EYA2: variants seen among roughly 807,000 people sequenced by gnomAD.
EYA2 encodes the protein protein phosphatase EYA2.
Under a neutral mutation model 69.2 loss-of-function variants are expected in EYA2, and 31 were observed. The observed-to-expected ratio is 0.45, with a 90% CI of 0.34 to 0.60. EYA2 has a LOEUF of 0.60. Among genes scored for constraint, EYA2 ranks in the 20% least tolerant of loss-of-function variants. The pLI, the probability that EYA2 is intolerant of heterozygous loss-of-function variation, is 0.02. For synonymous variants in EYA2, 257 were observed against 279.4 expected (o/e 0.92, Z 0.80); for missense variants, 622 against 701.2 (o/e 0.89, Z 1.28).
At chr20:47,051,037 C>T (rs1371113418) in intron 5 of EYA2, among the ~76,000 whole-genome samples, 1 of 152,226 alleles carries the variant, frequency 6.6e-6, no homozygotes, top group Non-Finnish European at 1.5e-5. Context: ...GTCTTTACTG[C>T]CAGGAAACTT....
At chr20:47,010,164 GCATTCTT>G (rs1982967998) in intron 4 of EYA2, among the ~76,000 whole-genome samples, 1 of 152,204 alleles carries the variant, frequency 6.6e-6, no homozygotes, top group African/African-American at 2.4e-5. Context: ...TGGGGTATAT[GCATTCTT>G]CACTATCCTG....
intron 9 of EYA2, among the ~76,000 whole-genome samples, chr20:47,115,671 C>A (rs2032870602): frequency 6.6e-6 from 1 of 152,168 alleles, no homozygotes; most frequent in Admixed American, 6.5e-5. Flanking sequence ...CAGCTGCCTC[C>A]CTGCTTCCCC....
intron 5 of EYA2, among the ~76,000 whole-genome samples, chr20:47,020,551 T>C (rs769375539): frequency 1.3e-4 from 20 of 152,122 alleles, no homozygotes; most frequent in Non-Finnish European, 2.6e-4. Flanking sequence ...CTTCTTCTGG[T>C]AAAACACTGC....
chr20:47,008,505 A>G (rs922198551), intron 4 of EYA2, among the ~76,000 whole-genome samples: 2 of 152,220 alleles, frequency 1.3e-5, no homozygotes, highest in Non-Finnish European at 2.9e-5. Flanking sequence ...TTAGAATACA[A>G]TCACACATAA....
intron 5 of EYA2, among the ~76,000 whole-genome samples, chr20:47,050,322 A>C (rs1187835173): frequency 6.6e-6 from 1 of 152,246 alleles, no homozygotes; most frequent in Admixed American, 6.5e-5. Flanking sequence ...CAAAATATTC[A>C]GCAGGACACA....
chr20:47,096,095 G>A (rs895128163), intron 8 of EYA2: 1 of 152,150 alleles, frequency 6.6e-6, no homozygotes, highest in Non-Finnish European at 1.5e-5. Context: ...CATCAGACAG[G>A]TATGATACAT....
At chr20:47,088,353 C>G (rs2031962152) in intron 7 of EYA2, among the ~76,000 whole-genome samples, 1 of 152,238 alleles carries the variant, frequency 6.6e-6, no homozygotes, top group South Asian at 2.1e-4. Flanking sequence ...GGGGAATCTT[C>G]TAAAGGTGGA....
chr20:47,155,182 A>G (rs1324311459), intron 10 of EYA2, among the ~76,000 whole-genome samples: 1 of 151,956 alleles, frequency 6.6e-6, no homozygotes, highest in Non-Finnish European at 1.5e-5. Flanking sequence ...TTGTAAGATG[A>G]AAAATCGAAT....
At chr20:46,957,525 G>A (rs993350603) in intron 1 of EYA2, among the ~76,000 whole-genome samples, 5 of 138,776 alleles carry the variant, frequency 3.6e-5, no homozygotes, top group African/African-American at 1.4e-4. Context: ...GGCAGAAGGA[G>A]ATTTCACACA....
intron 1 of EYA2, among the ~76,000 whole-genome samples, chr20:46,909,081 G>C (rs576482148): frequency 6.6e-6 from 1 of 151,918 alleles, no homozygotes; most frequent in African/African-American, 2.4e-5. Context: ...CATGGGGAAA[G>C]GCAAGATGGT....
At chr20:46,934,553 G>A (rs572315281) in intron 1 of EYA2, among the ~76,000 whole-genome samples, 39 of 152,290 alleles carry the variant, frequency 2.6e-4, no homozygotes, top group African/African-American at 9.4e-4. Flanking sequence ...CCATCCAAAG[G>A]ATGTGGAGGG....
At chr20:47,026,380 G>C (rs989185133) in intron 5 of EYA2, among the ~76,000 whole-genome samples, 1 of 151,748 alleles carries the variant, frequency 6.6e-6, no homozygotes, top group Non-Finnish European at 1.5e-5. Context: ...TTCTAACCAG[G>C]ACTCAGAAAT....
chr20:47,126,298 G>C (rs1043893658), intron 9 of EYA2, among the ~76,000 whole-genome samples: 4 of 152,250 alleles, frequency 2.6e-5, no homozygotes, highest in Admixed American at 6.5e-5. Context: ...CTGTGAACAA[G>C]GATGACTAGC....
chr20:46,896,064 A>G (rs1983796278), intron 1 of EYA2, among the ~76,000 whole-genome samples: 1 of 152,220 alleles, frequency 6.6e-6, no homozygotes, highest in Non-Finnish European at 1.5e-5. Context: ...ACGTGGAGGT[A>G]TAAATCACCC....
intron 12 of EYA2, among the ~76,000 whole-genome samples, chr20:47,177,702 G>T (rs1030598006): frequency 6.6e-6 from 1 of 152,222 alleles, no homozygotes; most frequent in South Asian, 2.1e-4. Context: ...TAGAGAAGAC[G>T]ATGTCTCCAT....
intron 1 of EYA2, among the ~76,000 whole-genome samples, chr20:46,958,402 A>G (rs1360012066): frequency 1.3e-5 from 2 of 152,178 alleles, no homozygotes; most frequent in African/African-American, 4.8e-5. Context: ...CCTGGTTGCA[A>G]TAAAGTTTGG....
At chr20:47,095,381 C>T (rs1442405310) in intron 8 of EYA2, among the ~76,000 whole-genome samples, 1 of 151,598 alleles carries the variant, frequency 6.6e-6, no homozygotes, top group African/African-American at 2.4e-5. Flanking sequence ...GGGAATTTCA[C>T]AAAAAGAAAA....
intron 12 of EYA2, among the ~76,000 whole-genome samples, chr20:47,173,534 G>GAAAAAA (rs2034371585): frequency 1.1e-4 from 6 of 56,102 alleles, no homozygotes; most frequent in Non-Finnish European, 1.7e-4. Context: ...AAAAAAAAAC[G>GAAAAAA]TGCAGGGTCT....
At chr20:46,908,918 G>T (rs1984506303) in intron 1 of EYA2, among the ~76,000 whole-genome samples, 4 of 109,134 alleles carry the variant, frequency 3.7e-5, no homozygotes, top group African/African-American at 7.7e-5. Flanking sequence ...ACCAATTCCT[G>T]ACCAGAAAGG....
Sources: allele counts gnomAD v4.1 joint callset (sites outside exome capture counted in the v4.1 genomes callset), GRCh38; gene constraint gnomAD v4.1.1; transcripts MANE v1.5; gene names NCBI Gene and HGNC (gene_info 2026-07-23, HGNC 2026-07-21).